UCK2: variants seen among roughly 807,000 people sequenced by gnomAD.
UCK2 encodes uridine-cytidine kinase 2.
In UCK2, 6 loss-of-function variants were observed where a neutral mutation model predicts 30.8. The ratio of observed to expected loss-of-function variants is 0.19; its 90% CI spans 0.11 to 0.38. UCK2 has a LOEUF of 0.38. Among genes scored for constraint, UCK2 ranks in the 10% least tolerant of loss-of-function variants. UCK2 has a pLI of 1.00. For missense variants in UCK2, 210 were observed against 339.8 expected, an observed-to-expected ratio of 0.62 and a Z score of 3.00; for synonymous variants, 125 against 133.6, an observed-to-expected ratio of 0.94 and a Z score of 0.45.
chr1:165,855,432 A>G (rs920912169), intron 1 of UCK2, among the ~76,000 whole-genome samples: 7 of 151,818 alleles, frequency 4.6e-5, no homozygotes, highest in East Asian at 1.9e-4. Context: ...ACACATTTCA[A>G]TGGGCCCAGA....
intron 1 of UCK2, among the ~76,000 whole-genome samples, chr1:165,834,626 G>C (rs1248051806): frequency 6.6e-6 from 1 of 152,146 alleles, no homozygotes; most frequent in Non-Finnish European, 1.5e-5. Context: ...TGAGAATTTT[G>C]AACAATGACA....
intron 1 of UCK2, among the ~76,000 whole-genome samples, chr1:165,862,815 A>G (rs966929486): frequency 6.6e-6 from 1 of 152,192 alleles, no homozygotes; most frequent in South Asian, 2.1e-4. Flanking sequence ...GAGGCCATCA[A>G]TAAATGTTGG....
intron 1 of UCK2, among the ~76,000 whole-genome samples, chr1:165,863,996 G>T (rs59475441): frequency 6.6e-6 from 1 of 151,838 alleles, no homozygotes; most frequent in Non-Finnish European, 1.5e-5. Flanking sequence ...CTTTTAAGAC[G>T]GAGTTTTGCT....
chr1:165,840,079 C>T (rs954130310), intron 1 of UCK2, among the ~76,000 whole-genome samples: 15 of 152,338 alleles, frequency 9.8e-5, no homozygotes, highest in African/African-American at 1.9e-4. Flanking sequence ...CCACCATGCC[C>T]GGCTACTTGT....
chr1:165,854,742 C>T (rs1557836482), intron 1 of UCK2, among the ~76,000 whole-genome samples: 1 of 152,094 alleles, frequency 6.6e-6, no homozygotes, highest in Non-Finnish European at 1.5e-5. Context: ...TACGCTGAAG[C>T]AGCTCCCCCA....
chr1:165,877,602 G>A (rs538622302), intron 1 of UCK2, among the ~76,000 whole-genome samples: 2 of 152,250 alleles, frequency 1.3e-5, no homozygotes, highest in South Asian at 2.1e-4. Context: ...GCAGTCATTC[G>A]TTTTTATTGC....
At chr1:165,828,731 C>T (rs1442317338) in intron 1 of UCK2, among the ~76,000 whole-genome samples, 1 of 152,148 alleles carries the variant, frequency 6.6e-6, no homozygotes, top group Non-Finnish European at 1.5e-5. Flanking sequence ...GTTTTATCCG[C>T]AAGGCAAGGA....
chr1:165,840,415 C>G (rs1654299263), intron 1 of UCK2, among the ~76,000 whole-genome samples: 1 of 152,158 alleles, frequency 6.6e-6, no homozygotes, highest in South Asian at 2.1e-4. Context: ...ACTCTCTTGG[C>G]AATTTTCAAG....
At chr1:165,892,818 TAAG>T (rs1341615733) in intron 3 of UCK2, 1 of 152,406 alleles carries the variant, frequency 6.6e-6, no homozygotes, top group Non-Finnish European at 1.5e-5. Flanking sequence ...TAGGAAAGGA[TAAG>T]AAGTTGTTTG....
rs61491030 is a variant in UCK2 at position 165,850,927 on chromosome 1, ATTTT to A, written c.99+23019_99+23022del. ...GTGAGCCACCACGCCTGGCCTTTAA[ATTTT>A]TTTTTTTTTTTTTTTTTTTTTTTAA... On this transcript the variant is annotated intron_variant, in intron 1 of 6. Transcript: ENST00000367879. Among the ~76,000 whole-genome samples, 352 of 109,906 alleles carry A rather than the reference ATTTT, an allele frequency of 3.2e-3. 4 individuals are homozygous for A. Among genetic ancestry groups the A allele is most frequent in the East Asian group, 0.016 (56 of 3,518 alleles). 72.1% of individuals were successfully genotyped at this position (109,906 alleles called of 152,430 possible). A position where few individuals can be genotyped will look rare whatever the true frequency, so the allele number is the denominator to read the frequency against.
intron 1 of UCK2, among the ~76,000 whole-genome samples, chr1:165,832,097 A>G (rs1456679402): frequency 6.6e-6 from 1 of 152,156 alleles, no homozygotes; most frequent in Non-Finnish European, 1.5e-5. Flanking sequence ...AAATGCACAC[A>G]GACCATCTTA....
chr1:165,881,090 T>C (rs953836257), intron 1 of UCK2, among the ~76,000 whole-genome samples: 1 of 151,152 alleles, frequency 6.6e-6, no homozygotes, highest in African/African-American at 2.4e-5. Flanking sequence ...GACGAATTGT[T>C]TGAACCTGGG....
chr1:165,894,807 C>T (rs1432489992), intron 3 of UCK2, among the ~76,000 whole-genome samples: 2 of 152,102 alleles, frequency 1.3e-5, no homozygotes. Context: ...CAACGGCACC[C>T]TCTTGAGCTG....
At chr1:165,831,621 G>A (rs1654049361) in intron 1 of UCK2, among the ~76,000 whole-genome samples, 1 of 152,182 alleles carries the variant, frequency 6.6e-6, no homozygotes, top group Admixed American at 6.5e-5. Flanking sequence ...CATCAGAGTG[G>A]TCTTCCTTAG....
chr1:165,835,303 T>G (rs1026287187), intron 1 of UCK2, among the ~76,000 whole-genome samples: 6 of 146,626 alleles, frequency 4.1e-5, no homozygotes, highest in Non-Finnish European at 7.4e-5. Flanking sequence ...CATCCCATTT[T>G]GCACATATAA....
At chr1:165,884,575 A>G (rs1424335681) in intron 1 of UCK2, among the ~76,000 whole-genome samples, 2 of 152,202 alleles carry the variant, frequency 1.3e-5, no homozygotes, top group Admixed American at 1.3e-4. Context: ...AGTGGAGGGT[A>G]TATGACAAAG....
chr1:165,840,330 A>G lies in UCK2; in HGVS notation c.99+12398A>G, dbSNP rs76228814. On this transcript the variant is annotated intron_variant, in intron 1 of 6. Coordinates refer to ENST00000367879, the MANE Select transcript of UCK2 (RefSeq NM_012474.5). ...TTTTAATGTATGTATACATTGTGGAATGGTTAAATCAGGCTAATTAGCATA... is the reference window on the plus strand; with the variant it reads ...TTTTAATGTATGTATACATTGTGGAGTGGTTAAATCAGGCTAATTAGCATA... Among the ~76,000 whole-genome samples the G allele has an allele frequency of 8.5e-3, 1,292 of 152,376 alleles. 13 individuals carry two copies. The highest frequency in any genetic ancestry group is 0.028 in the African/African-American group (1,164 of 41,596).
In UCK2 at chr1:165,907,655, G is replaced by A. The variant is rs372471000; in HGVS notation, c.647-29G>A. ...CACCCCTGCACCCATGCCTGCACCC[G>A]TAACGCTCTGCTGGTCTCTGCCCCA... On this transcript the variant is annotated intron_variant, in intron 6 of 6. Transcript: ENST00000367879. The A allele has an allele frequency of 3.8e-5, 61 of 1,611,780 alleles. No homozygotes were observed. In the Middle Eastern group the frequency reaches 8.2e-4, roughly 22 times the overall value.
chr1:165,838,558 G>A (rs1384909325), intron 1 of UCK2, among the ~76,000 whole-genome samples: 3 of 152,176 alleles, frequency 2.0e-5, no homozygotes, highest in African/African-American at 7.2e-5. Flanking sequence ...ACTTTGCTCA[G>A]TTACTGCTTC....
Sources: gnomAD v4.1 joint callset for allele counts (sites outside exome capture counted in the v4.1 genomes callset) on GRCh38, gnomAD v4.1.1 for gene constraint, MANE v1.5 for transcripts, NCBI Gene and HGNC (gene_info 2026-07-23, HGNC 2026-07-21) for gene names.